The following ODF1 variants were observed in gnomAD, a reference collection of about 807,000 sequenced individuals.
ODF1 encodes the protein outer dense fiber protein 1.
A neutral mutation model predicts 24.0 loss-of-function variants in ODF1; 10 were observed. That is an observed-to-expected ratio of 0.42 (90% CI 0.26 to 0.71). The LOEUF (loss-of-function observed/expected upper bound fraction) is 0.71. ODF1 is among the 30% of genes least tolerant of loss of function. The pLI is 0.28. For synonymous variants in ODF1, 118 were observed against 121.3 expected, an observed-to-expected ratio of 0.97 and a Z score of 0.18; for missense variants, 282 against 307.9, an observed-to-expected ratio of 0.92 and a Z score of 0.63.
chr8:102,558,093 A>G (rs1302710237), intron 1 of ODF1, among the ~76,000 whole-genome samples: 1 of 152,218 alleles, frequency 6.6e-6, no homozygotes, highest in Admixed American at 6.5e-5. Flanking sequence ...GTACCCTGGC[A>G]CACCCAGGGC....
chr8:102,556,669 T>C (rs1395205899), intron 1 of ODF1, among the ~76,000 whole-genome samples: 1 of 152,164 alleles, frequency 6.6e-6, no homozygotes, highest in East Asian at 1.9e-4. Context: ...ACCTGTGCCA[T>C]GCTGCCTGGC....
chr8:102,553,166 C>T (rs1826067209), intron 1 of ODF1, among the ~76,000 whole-genome samples: 1 of 146,774 alleles, frequency 6.8e-6, no homozygotes, highest in South Asian at 2.2e-4. Flanking sequence ...AGTTCGAGAC[C>T]AGCCTGGCTA....
In ODF1 at chr8:102,560,598, A is replaced by G; in HGVS notation, c.467A>G (p.Asn156Ser). The G allele has an allele frequency of 1.2e-6, 2 of 1,614,216 alleles. No homozygotes were observed. The highest frequency in any genetic ancestry group is 1.7e-6 in the Non-Finnish European group (2 of 1,180,040). Residue 156 changes from asparagine (N) to serine (S), a missense_variant, in exon 2 of 2, where the codon AAC becomes AGC. Asn to Ser is a conservative substitution (Grantham distance 46). Coordinates refer to ENST00000285402, the MANE Select transcript of ODF1 (RefSeq NM_024410.4). Reference protein sequence around the residue: ...GKVCVSAERENRYDCLGSKKY... With the variant: ...GKVCVSAERESRYDCLGSKKY... ...GTATGTGTGTCGGCTGAGCGGGAGAACAGGTACGACTGCCTTGGATCGAAA... is the reference window on the plus strand; with the variant it reads ...GTATGTGTGTCGGCTGAGCGGGAGAGCAGGTACGACTGCCTTGGATCGAAA...
intron 1 of ODF1, among the ~76,000 whole-genome samples, chr8:102,555,962 G>A (rs1826106024): frequency 6.6e-6 from 1 of 152,192 alleles, no homozygotes; most frequent in African/African-American, 2.4e-5. Flanking sequence ...AAATGCATTG[G>A]TATGATTTGG....
chr8:102,554,719 G>A (rs1191648813), intron 1 of ODF1, among the ~76,000 whole-genome samples: 1 of 152,176 alleles, frequency 6.6e-6, no homozygotes, highest in Non-Finnish European at 1.5e-5. Context: ...TTGGGAGGCT[G>A]TAATAGGAGA....
chr8:102,553,206 CAAAAA>C (rs71276450), intron 1 of ODF1, among the ~76,000 whole-genome samples: 21 of 124,190 alleles, frequency 1.7e-4, no homozygotes, highest in Admixed American at 5.0e-4. Context: ...CTACTAAATA[CAAAAA>C]AAAAAAAAAA....
chr8:102,560,983 A>C lies in ODF1; in HGVS notation c.*99A>C. 1 of 1,158,412 alleles carries C rather than the reference A, an allele frequency of 8.6e-7. No homozygotes were observed. Among genetic ancestry groups the C allele is most frequent in the South Asian group, 1.5e-5 (1 of 67,566 alleles). The allele number at this position is 1,158,412 out of a possible 1,614,324, so 71.8% of individuals were successfully genotyped here. On this transcript the variant is annotated 3_prime_UTR_variant, in exon 2 of 2. Coordinates refer to ENST00000285402, the MANE Select transcript of ODF1 (RefSeq NM_024410.4). ...TCCTTCCCATGGCCCCTGTTGTTGA[A>C]GTACGTAGGAAACTGAATACATAAC...
chr8:102,560,645 T>A lies in ODF1; in HGVS notation c.514T>A (p.Cys172Ser). The change falls in exon 2 of 2, where the codon TGC becomes AGC. Residue 172 changes from cysteine (C) to serine (S), a missense_variant. Physicochemically the swap from Cys to Ser is moderately radical, Grantham distance 112 (BLOSUM62 -1). Coordinates refer to ENST00000285402, the MANE Select transcript of ODF1 (RefSeq NM_024410.4). Reference sequence around the variant, plus strand: ...GAAAAAGTACAGCTACATGAACATCTGCAAAGAGTTCAGCTTGCCGCCCTG... The same window carrying A: ...GAAAAAGTACAGCTACATGAACATCAGCAAAGAGTTCAGCTTGCCGCCCTG... ...GSKKYSYMNI[C>S]KEFSLPPCVD... 1.2e-6 allele frequency: 2 copies of A among 1,614,234 alleles called. No homozygotes were observed. The highest frequency in any genetic ancestry group is 1.7e-6 in the Non-Finnish European group (2 of 1,180,038).
At position 102,551,971 on chromosome 8, in the gene ODF1, T is replaced by C. The variant is rs931908517; in HGVS notation, c.244T>C (p.Cys82Arg). The change falls in exon 1 of 2, where the codon TGT becomes CGT. Residue 82 changes from cysteine to arginine, a missense_variant. Physicochemically the swap from Cys to Arg is radical, Grantham distance 180. Coordinates refer to ENST00000285402, the MANE Select transcript of ODF1 (RefSeq NM_024410.4). The part of the protein sequence containing the change: ...PCCLCDYKLY[C>R]LRPSLRSLER... ...TTGCCTGTGTGATTATAAGCTTTACTGTCTGCGACCATCTCTCAGAAGTTT... is the reference window on the plus strand; with the variant it reads ...TTGCCTGTGTGATTATAAGCTTTACCGTCTGCGACCATCTCTCAGAAGTTT... 6.2e-7 allele frequency: 1 copy of C among 1,613,970 alleles called. No individual in the cohort carries two copies. Among genetic ancestry groups the C allele is most frequent in the Non-Finnish European group, 8.5e-7 (1 of 1,179,916 alleles).
At position 102,560,707 on chromosome 8, in the gene ODF1, C is replaced by T. The variant is rs777673907; in HGVS notation, c.576C>T (p.Leu192=). The change falls in exon 2 of 2, where the codon CTC becomes CTT. Residue 192 remains leucine (L), a synonymous_variant. Transcript: ENST00000285402. ...AGGATGTAACATACTCCTATGGGCTCGGCAGCTGTGTCAAGATCGAGTCTC... is the reference window on the plus strand; with the variant it reads ...AGGATGTAACATACTCCTATGGGCTTGGCAGCTGTGTCAAGATCGAGTCTC... The part of the protein sequence containing the change: ...DEKDVTYSYG[L]GSCVKIESPC... 1.2e-5 allele frequency: 19 copies of T among 1,613,798 alleles called. No homozygotes were observed. In the East Asian group the frequency reaches 1.3e-4, roughly 11 times the overall value.
chr8:102,555,513 C>T (rs977099597), intron 1 of ODF1, among the ~76,000 whole-genome samples: 1 of 152,240 alleles, frequency 6.6e-6, no homozygotes, highest in Non-Finnish European at 1.5e-5. Flanking sequence ...GAAATCCCCA[C>T]ACCAGGGGCA....
chr8:102,555,280 G>A (rs1033761728), intron 1 of ODF1, among the ~76,000 whole-genome samples: 9 of 152,122 alleles, frequency 5.9e-5, no homozygotes, highest in African/African-American at 1.2e-4. Flanking sequence ...TCTTAGAGCC[G>A]GAGAAACAAA....
intron 1 of ODF1, among the ~76,000 whole-genome samples, chr8:102,555,736 G>T (rs1826103628): frequency 6.6e-6 from 1 of 152,212 alleles, no homozygotes; most frequent in East Asian, 1.9e-4. Flanking sequence ...AGAGGTCGGA[G>T]TATAAGTGAG....
chr8:102,551,786 G>A lies in ODF1; in HGVS notation c.59G>A (p.Arg20Lys), dbSNP rs1343608521. 2 of 1,614,002 alleles carry A rather than the reference G, an allele frequency of 1.2e-6. No individual in the cohort carries two copies. Among genetic ancestry groups the A allele is most frequent in the Non-Finnish European group, 1.7e-6 (2 of 1,179,860 alleles). The change falls in exon 1 of 2, where the codon AGA (arginine) becomes AAA (lysine). Residue 20 changes from arginine (R) to lysine (K), a missense_variant. Coordinates refer to ENST00000285402, the MANE Select transcript of ODF1 (RefSeq NM_024410.4). Reference protein sequence around the residue: ...SVRRDIKKVDRELRQLRCIDE... With the variant: ...SVRRDIKKVDKELRQLRCIDE... ...AGAAGGGACATAAAGAAGGTGGACA[G>A]AGAACTAAGGCAACTGAGATGCATC... is the stretch of plus-strand genomic sequence containing the variant.
At chr8:102,558,745 TACACACACACAC>T (rs58708188) in intron 1 of ODF1, among the ~76,000 whole-genome samples, 1 of 144,718 alleles carries the variant, frequency 6.9e-6, no homozygotes, top group Non-Finnish European at 1.5e-5. Context: ...TATATAGAAC[TACACACACACAC>T]ACACACACAG....
At chr8:102,554,366 G>GC (rs1490116254) in intron 1 of ODF1, among the ~76,000 whole-genome samples, 8 of 152,184 alleles carry the variant, frequency 5.3e-5, no homozygotes, top group African/African-American at 1.9e-4. Context: ...TTTAAAGAAT[G>GC]CAAGGGGGTT....
chr8:102,560,090 A>C (rs1826159989), intron 1 of ODF1, among the ~76,000 whole-genome samples: 1 of 151,402 alleles, frequency 6.6e-6, no homozygotes, highest in African/African-American at 2.5e-5. Flanking sequence ...TGCAGGCATT[A>C]TTATTGTTAT....
rs149475108 is a variant in ODF1 at position 102,559,510 on chromosome 8, T to C, written c.321-942T>C. 5.5e-4 allele frequency among the ~76,000 whole-genome samples: 83 copies of C among 151,742 alleles called. No homozygotes were observed. In the East Asian group the frequency reaches 0.012, roughly 23 times the overall value. ...TTGATTTCAAGCTATCAGCGTGCAG[T>C]ACTAACTGGGGATCGGGAAGAGATG... On this transcript the variant is annotated intron_variant, in intron 1 of 1. Transcript: ENST00000285402.
chr8:102,554,032 AT>A (rs5893614), intron 1 of ODF1, among the ~76,000 whole-genome samples: 89,930 of 151,950 alleles, frequency 0.59, 27,359 homozygotes, highest in Middle Eastern at 0.72. Context: ...ACCTTGTGAA[AT>A]TTCTATGCTC....
Sources: allele counts gnomAD v4.1 joint callset (sites outside exome capture counted in the v4.1 genomes callset), GRCh38; gene constraint gnomAD v4.1.1; transcripts MANE v1.5; gene names NCBI Gene and HGNC (gene_info 2026-07-23, HGNC 2026-07-21).